Variants in DLGAP1 observed in about 807,000 individuals in gnomAD.
The protein encoded by DLGAP1 is disks large-associated protein 1.
DLGAP1 carries 11 observed loss-of-function variants against 90.8 expected under a neutral mutation model. The ratio of observed to expected loss-of-function variants is 0.12; its 90% CI spans 0.08 to 0.20. The LOEUF (loss-of-function observed/expected upper bound fraction) is 0.20. Ranked by LOEUF, DLGAP1 falls within the 10% of genes least tolerant of loss-of-function variation. The pLI, the probability that DLGAP1 is intolerant of heterozygous loss-of-function variation, is 1.00. For synonymous variants in DLGAP1, 558 were observed against 540.7 expected, an observed-to-expected ratio of 1.03 and a Z score of -0.44; for missense variants, 1,050 against 1,333.8, an observed-to-expected ratio of 0.79 and a Z score of 3.31.
intron 2 of DLGAP1, among the ~76,000 whole-genome samples, chr18:4,147,303 A>G (rs563320016): frequency 1.2e-3 from 177 of 152,288 alleles, no homozygotes; most frequent in African/African-American, 4.1e-3. Context: ...GTTGTACTCA[A>G]TCAAGTAGCA....
intron 1 of DLGAP1, among the ~76,000 whole-genome samples, chr18:4,163,356 G>A (rs2076877981): frequency 6.6e-6 from 1 of 152,198 alleles, no homozygotes; most frequent in Non-Finnish European, 1.5e-5. Context: ...AGCAATCGTA[G>A]TTGAACAACG....
rs1567965775 is a variant in DLGAP1, at chr18:3,688,662, CA to C, written c.1591+40472del. Among the ~76,000 whole-genome samples, 12 of 45,690 alleles carry C rather than the reference CA, an allele frequency of 2.6e-4. No homozygotes were observed. In the South Asian group the frequency reaches 2.7e-3, roughly 10 times the overall value. 30.0% of individuals were successfully genotyped at this position (45,690 alleles called of 152,430 possible). A position where few individuals can be genotyped will look rare whatever the true frequency, so the allele number is the denominator to read the frequency against. ...ACACACACACACACACACACACACA[CA>C]CACACCCTACCAAAAATAAGAAACA... On this transcript the variant is annotated intron_variant, in intron 7 of 12. Transcript: ENST00000315677.
intron 5 of DLGAP1, among the ~76,000 whole-genome samples, chr18:3,791,624 A>G (rs1034317608): frequency 6.6e-6 from 1 of 152,230 alleles, no homozygotes; most frequent in African/African-American, 2.4e-5. Context: ...GGAGTCAATG[A>G]TAATCATTAT....
chr18:4,408,236 C>T lies in DLGAP1; in HGVS notation c.-267+46770G>A, dbSNP rs1598373438. Among the ~76,000 whole-genome samples the T allele has an allele frequency of 3.3e-5, 5 of 152,210 alleles. No individual in the cohort carries two copies. The East Asian group carries it at 9.6e-4, about 29-fold the overall frequency. On this transcript the variant is annotated intron_variant, in intron 1 of 12. Coordinates refer to ENST00000315677, the MANE Select transcript of DLGAP1 (RefSeq NM_004746.4). ...TCGATATTTATCAGGTGCATATTCA[C>T]GGTAGTGGTTACAATGCTGTGCGTA...
At chr18:4,065,342 A>G (rs1292350403) in intron 2 of DLGAP1, among the ~76,000 whole-genome samples, 3 of 152,140 alleles carry the variant, frequency 2.0e-5, no homozygotes, top group African/African-American at 7.2e-5. Flanking sequence ...CAAGAGAGAG[A>G]AATAAAGGGC....
chr18:3,793,506 TTTC>T (rs143721044), intron 5 of DLGAP1, among the ~76,000 whole-genome samples: 102 of 152,246 alleles, frequency 6.7e-4, no homozygotes, highest in African/African-American at 2.3e-3. Flanking sequence ...CCCCTTCCAA[TTTC>T]TTCTTGATAG....
chr18:3,609,388 AT>A (rs2090485546), intron 7 of DLGAP1, among the ~76,000 whole-genome samples: 1 of 152,140 alleles, frequency 6.6e-6, no homozygotes. Context: ...TGTGAAACTT[AT>A]GTTAAATAAA....
At chr18:4,037,063 T>C (rs77456212) in intron 2 of DLGAP1, among the ~76,000 whole-genome samples, 496 of 152,254 alleles carry the variant, frequency 3.3e-3, no homozygotes, top group Middle Eastern at 6.8e-3. Context: ...TCTTTGCTCA[T>C]TGATTGTGAG....
intron 10 of DLGAP1, among the ~76,000 whole-genome samples, chr18:3,519,167 G>A (rs552715202): frequency 2.6e-5 from 4 of 152,206 alleles, no homozygotes; most frequent in East Asian, 1.9e-4. Flanking sequence ...AGCCTTGCTC[G>A]GAAAACAGAC....
rs374457310 is a variant in DLGAP1 at position 4,177,532 on chromosome 18, A to G, written c.-266-26245T>C. ...TTGTTATATAGGTAAGTTGCATGTC[A>G]TAAGTGTTTGGTGTACAGATAATTT... On this transcript the variant is annotated intron_variant, in intron 1 of 12. Transcript: ENST00000315677. Among the ~76,000 whole-genome samples, 33 of 152,230 alleles carry G rather than the reference A, an allele frequency of 2.2e-4. 2 individuals are homozygous for G. Among genetic ancestry groups the G allele is most frequent in the Admixed American group, 4.6e-4 (7 of 15,280 alleles).
chr18:3,824,973 T>C (rs2067630207), intron 4 of DLGAP1, among the ~76,000 whole-genome samples: 1 of 152,192 alleles, frequency 6.6e-6, no homozygotes, highest in South Asian at 2.1e-4. Flanking sequence ...AATTCCACTT[T>C]CATAATCATC....
intron 1 of DLGAP1, among the ~76,000 whole-genome samples, chr18:4,171,847 C>A (rs967745842): frequency 6.6e-6 from 1 of 152,142 alleles, no homozygotes; most frequent in African/African-American, 2.4e-5. Context: ...CAACTTACAT[C>A]CTTTTCACAA....
intron 1 of DLGAP1, among the ~76,000 whole-genome samples, chr18:4,284,181 A>G (rs1444661844): frequency 6.9e-6 from 1 of 145,542 alleles, no homozygotes; most frequent in Non-Finnish European, 1.5e-5. Context: ...CCTGGGCAAC[A>G]CTGCTAAACT....
chr18:4,108,601 G>C (rs2075913433), intron 2 of DLGAP1, among the ~76,000 whole-genome samples: 1 of 87,194 alleles, frequency 1.1e-5, no homozygotes, highest in South Asian at 3.8e-4. Flanking sequence ...ATTAGCATTA[G>C]CTAATAAATT....
At position 3,565,712 on chromosome 18, in the gene DLGAP1, G is replaced by A. The variant is rs942998327; in HGVS notation, c.2057+1778C>T. On this transcript the variant is annotated intron_variant, in intron 9 of 12. Coordinates refer to ENST00000315677, the MANE Select transcript of DLGAP1 (RefSeq NM_004746.4). This position sits in a 1 kb window ranked among gnomAD's most constrained non-coding sequence, Gnocchi z 4.0. ...TAGCTGGGCGTGATGGTCCGTGCCT[G>A]TAGTCCCAGCCACTCGGGAGGCTGA... Among the ~76,000 whole-genome samples the A allele has an allele frequency of 1.1e-4, 16 of 151,934 alleles. No homozygotes were observed. The highest frequency in any genetic ancestry group is 3.9e-4 in the African/African-American group (16 of 41,404).
In DLGAP1 at chr18:3,880,091, G is replaced by T; in HGVS notation, c.-23C>A. The T allele has an allele frequency of 6.3e-7, 1 of 1,593,262 alleles. No homozygotes were observed. ...CATGGCGGACCGGAAGCAGCCGCCA[G>T]GGTCATGGACACCCGGAAGTCAGGC... On this transcript the variant is annotated 5_prime_UTR_variant, in exon 4 of 13. It adds an upstream start codon to the 5' untranslated region. Coordinates refer to ENST00000315677, the MANE Select transcript of DLGAP1 (RefSeq NM_004746.4).
At chr18:3,726,467 G>C (rs543886286) in intron 7 of DLGAP1, among the ~76,000 whole-genome samples, 1 of 152,146 alleles carries the variant, frequency 6.6e-6, no homozygotes, top group South Asian at 2.1e-4. Context: ...GAGAGAGAGA[G>C]AGAGAGATAA....
rs1340773880 is a variant in DLGAP1 at position 3,653,231 on chromosome 18, C to G, written c.1592-70983G>C. On this transcript the variant is annotated intron_variant, in intron 7 of 12. Coordinates refer to ENST00000315677, the MANE Select transcript of DLGAP1 (RefSeq NM_004746.4). The surrounding 1 kb of genome is among the most constrained non-coding windows in gnomAD (Gnocchi z 4.6). Reference sequence around the variant, plus strand: ...CTTGCTGTGAGTGGTTTTTCCTTCCCTGCCATTGGTGCGACTGTTTCCCCC... The same window carrying G: ...CTTGCTGTGAGTGGTTTTTCCTTCCGTGCCATTGGTGCGACTGTTTCCCCC... Among the ~76,000 whole-genome samples the G allele has an allele frequency of 1.3e-5, 2 of 152,076 alleles. No individual in the cohort carries two copies. Among genetic ancestry groups the G allele is most frequent in the Non-Finnish European group, 1.5e-5 (1 of 68,018 alleles).
intron 5 of DLGAP1, among the ~76,000 whole-genome samples, chr18:3,779,302 C>A (rs2065080064): frequency 6.6e-6 from 1 of 152,060 alleles, no homozygotes; most frequent in Non-Finnish European, 1.5e-5. Context: ...TCTCGAACTC[C>A]TGAGCTCAAG....
Sources: allele counts gnomAD v4.1 joint callset (sites outside exome capture counted in the v4.1 genomes callset), GRCh38; gene constraint gnomAD v4.1.1; non-coding constraint Gnocchi (gnomAD v3.1); transcripts MANE v1.5; gene names NCBI Gene and HGNC (gene_info 2026-07-23, HGNC 2026-07-21).